The following NSD1 variants were observed in gnomAD, a reference collection of about 807,000 sequenced individuals.
NSD1 encodes the protein nuclear receptor binding SET domain protein 1.
A neutral mutation model predicts 242.7 loss-of-function variants in NSD1; 26 were observed. The observed-to-expected ratio is 0.11, with a 90% CI of 0.08 to 0.15. NSD1 has a LOEUF of 0.15. Ranked by LOEUF, NSD1 falls within the 10% of genes least tolerant of loss-of-function variation. The pLI is 1.00. For synonymous variants in NSD1, 1,106 were observed against 1,178.1 expected (o/e 0.94, Z 1.25); for missense variants, 2,495 against 3,272.8 (o/e 0.76, Z 5.80).
At chr5:177,166,491 G>T (rs1759210361) in intron 2 of NSD1, among the ~76,000 whole-genome samples, 1 of 151,720 alleles carries the variant, frequency 6.6e-6, no homozygotes, top group South Asian at 2.1e-4. Flanking sequence ...GCTGCAGTGA[G>T]TGAAAATGGT....
At chr5:177,195,956 A>G (rs1316231494) in intron 3 of NSD1, among the ~76,000 whole-genome samples, 1 of 152,186 alleles carries the variant, frequency 6.6e-6, no homozygotes, top group Non-Finnish European at 1.5e-5. Flanking sequence ...AAAATAATCA[A>G]ATGCATTATT....
chr5:177,207,486 G>T (rs903498132), intron 4 of NSD1, among the ~76,000 whole-genome samples: 2 of 149,326 alleles, frequency 1.3e-5, no homozygotes, highest in South Asian at 2.1e-4. Flanking sequence ...GTTTCACCAT[G>T]TTAGCCAGGA....
At chr5:177,142,284 C>G (rs1161173461) in intron 2 of NSD1, among the ~76,000 whole-genome samples, 4 of 151,998 alleles carry the variant, frequency 2.6e-5, no homozygotes, top group Non-Finnish European at 5.9e-5. Context: ...ACCTCTTGAG[C>G]CAGGCACTGC....
intron 2 of NSD1, among the ~76,000 whole-genome samples, chr5:177,191,378 G>T (rs1367472696): frequency 6.6e-6 from 1 of 152,170 alleles, no homozygotes; most frequent in Non-Finnish European, 1.5e-5. Flanking sequence ...GGGACTACAG[G>T]CATGTGCCAC....
At chr5:177,273,637 G>A in intron 16 of NSD1, 35 bp from the exon 17 acceptor site, 1 of 1,477,402 alleles carries the variant, frequency 6.8e-7, no homozygotes, top group Non-Finnish European at 9.5e-7. Flanking sequence ...TCCACCCAGA[G>A]ATTTTGAAGT....
At chr5:177,192,754 C>T (rs1218865165) in intron 3 of NSD1, among the ~76,000 whole-genome samples, 6 of 152,150 alleles carry the variant, frequency 3.9e-5, no homozygotes, top group Non-Finnish European at 8.8e-5. Flanking sequence ...TGGTCTTGAA[C>T]TCCTGAGATG....
At chr5:177,292,303 AAAT>A in intron 22 of NSD1, 145 bp downstream of exon 22, 1 of 829,926 alleles carries the variant, frequency 1.2e-6, no homozygotes. Context: ...CTTATTTTGG[AAAT>A]AATGAAAGCA....
At chr5:177,141,677 T>A (rs1756838427) in intron 2 of NSD1, among the ~76,000 whole-genome samples, 1 of 152,052 alleles carries the variant, frequency 6.6e-6, no homozygotes, top group Non-Finnish European at 1.5e-5. Flanking sequence ...CTCTTTTTCT[T>A]CCTCTTTCTC....
rs1170464377 is a variant in NSD1, at chr5:177,300,077, A to G, written c.*4618A>G. ...GCCGCGCCCCCCCCCCCCCGCCCCC[A>G]TAGATTGTCAGCTGTAAGTGAAACT... On this transcript the variant is annotated 3_prime_UTR_variant, in exon 23 of 23. Transcript: ENST00000439151. 3.0e-5 allele frequency: 2 copies of G among 67,490 alleles called. No individual in the cohort carries two copies. Among genetic ancestry groups the G allele is most frequent in the African/African-American group, 9.5e-5 (1 of 10,536 alleles). 4.2% of individuals were successfully genotyped at this position (67,490 alleles called of 1,614,324 possible).
At chr5:177,197,456 A>G (rs1762189280) in intron 3 of NSD1, among the ~76,000 whole-genome samples, 1 of 152,138 alleles carries the variant, frequency 6.6e-6, no homozygotes, top group South Asian at 2.1e-4. Context: ...CCCTGTCTCT[A>G]CTAAAAATAC....
At chr5:177,197,265 A>G (rs1432222239) in intron 3 of NSD1, among the ~76,000 whole-genome samples, 1 of 151,504 alleles carries the variant, frequency 6.6e-6, no homozygotes, top group Non-Finnish European at 1.5e-5. Flanking sequence ...GCAAGACTCC[A>G]TCTAAAAAAA....
Position 177,165,723 on chromosome 5 carries a change from C to G in NSD1, c.928-26161C>G, listed in dbSNP as rs146677409. On this transcript the variant is annotated intron_variant, in intron 2 of 22. Transcript: ENST00000439151. Reference sequence around the variant, plus strand: ...ATCCTTACCTCCCACCTCAGCCTCCCAGGTAACCAGGACTACAGGTGTACA... The same window carrying G: ...ATCCTTACCTCCCACCTCAGCCTCCGAGGTAACCAGGACTACAGGTGTACA... 7.1e-3 allele frequency among the ~76,000 whole-genome samples: 1,085 copies of G among 152,158 alleles called. 9 individuals are homozygous for G. Among genetic ancestry groups the G allele is most frequent in the Non-Finnish European group, 0.012 (830 of 68,012 alleles).
Position 177,289,889 on chromosome 5 carries a change from G to A in NSD1, c.6258+964G>A, listed in dbSNP as rs191363108. Reference sequence around the variant, plus strand: ...GTTGCCCAGGCTGGAGTGCAGTGGCGCAATCTCGGCTCACTGCAAGCTCCG... The same window carrying A: ...GTTGCCCAGGCTGGAGTGCAGTGGCACAATCTCGGCTCACTGCAAGCTCCG... On this transcript the variant is annotated intron_variant, in intron 21 of 22. Transcript: ENST00000439151. Among the ~76,000 whole-genome samples, 267 of 149,714 alleles carry A rather than the reference G, an allele frequency of 1.8e-3. 2 individuals are homozygous for A. Among genetic ancestry groups the A allele is most frequent in the African/African-American group, 6.1e-3 (249 of 40,658 alleles).
rs1183834539 is a variant in NSD1 at position 177,211,072 on chromosome 5, T to G, written c.2673T>G (p.Ser891=). 4.3e-6 allele frequency: 7 copies of G among 1,614,080 alleles called. No individual in the cohort carries two copies. Among genetic ancestry groups the G allele is most frequent in the Non-Finnish European group, 5.1e-6 (6 of 1,180,024 alleles). ...AGCCATCAAAACCATTACTTTTCTC[T>G]TCTGCTTCTAGTCAGAATCACATAC... ...TSKPSKPLLF[S]SASSQNHIPI... is the part of the protein sequence containing the mutation. The change falls in exon 5 of 23, where the codon TCT becomes TCG. Residue 891 remains serine, a synonymous_variant. Transcript: ENST00000439151.
chr5:177,149,040 A>C (rs986097942), intron 2 of NSD1, among the ~76,000 whole-genome samples: 2 of 151,912 alleles, frequency 1.3e-5, no homozygotes, highest in Non-Finnish European at 2.9e-5. Flanking sequence ...GCTGGTCTCG[A>C]ACTCCTGACC....
chr5:177,260,643 T>C (rs891065414), intron 14 of NSD1, among the ~76,000 whole-genome samples: 1 of 152,150 alleles, frequency 6.6e-6, no homozygotes, highest in African/African-American at 2.4e-5. Flanking sequence ...CCACTGTGCC[T>C]GTCCAGCAGA....
chr5:177,261,987 GC>G (rs1757032777), intron 14 of NSD1, among the ~76,000 whole-genome samples: 1 of 152,108 alleles, frequency 6.6e-6, no homozygotes, highest in African/African-American at 2.4e-5. Flanking sequence ...TTGAATTCTG[GC>G]TTGTCTCTTC....
rs566483353 is a variant in NSD1, at chr5:177,151,948, C to A, written c.927+15918C>A. On this transcript the variant is annotated intron_variant, in intron 2 of 22. Transcript: ENST00000439151. ...CCATCTCGGCTCACTGAAAGCTCCG[C>A]CTCCCGGGTTCACGCCATTCTCCTG... Among the ~76,000 whole-genome samples the A allele has an allele frequency of 3.9e-5, 6 of 152,118 alleles. No individual in the cohort carries two copies. In the East Asian group the frequency reaches 1.2e-3, roughly 30 times the overall value.
At chr5:177,142,729 G>A (rs187853568) in intron 2 of NSD1, among the ~76,000 whole-genome samples, 109 of 152,158 alleles carry the variant, frequency 7.2e-4, no homozygotes, top group African/African-American at 2.5e-3. Flanking sequence ...TCTTCATTTA[G>A]TCTTTCCTTC....
Sources: gnomAD v4.1 joint callset for allele counts (sites outside exome capture counted in the v4.1 genomes callset) on GRCh38, gnomAD v4.1.1 for gene constraint, MANE v1.5 for transcripts, NCBI Gene and HGNC (gene_info 2026-07-23, HGNC 2026-07-21) for gene names.